DHRS12: variants seen among roughly 807,000 people sequenced by gnomAD.
DHRS12 encodes the protein dehydrogenase/reductase SDR family member 12.
A neutral mutation model predicts 32.1 loss-of-function variants in DHRS12; 29 were observed. The ratio of observed to expected loss-of-function variants is 0.90; its 90% CI spans 0.67 to 1.23. The LOEUF is 1.23. DHRS12 is among the 50% of genes most tolerant of loss of function. The pLI is 0.00. For synonymous variants in DHRS12, 150 were observed against 135.9 expected (o/e 1.10, Z -0.72); for missense variants, 330 against 337.2 (o/e 0.98, Z 0.17).
At chr13:51,802,402 C>T (rs1470863427) in intron 1 of DHRS12, among the ~76,000 whole-genome samples, 1 of 152,204 alleles carries the variant, frequency 6.6e-6, no homozygotes, top group Non-Finnish European at 1.5e-5. Flanking sequence ...GTGATTTTGA[C>T]TCAAGCTGAG....
chr13:51,791,329 AG>A, intron 2 of DHRS12, 72 bp from the exon 3 acceptor site: 1 of 931,632 alleles, frequency 1.1e-6, no homozygotes, highest in Non-Finnish European at 1.6e-6. Flanking sequence ...ATTTTAAAAA[AG>A]TATACGGTTT....
At chr13:51,770,190 G>A (rs1008082004) in intron 7 of DHRS12, among the ~76,000 whole-genome samples, 1 of 152,140 alleles carries the variant, frequency 6.6e-6, no homozygotes, top group African/African-American at 2.4e-5. Flanking sequence ...CTTGTTTACT[G>A]TAGAAAAATC....
chr13:51,804,104 G>C lies in DHRS12; in HGVS notation c.-59C>G, dbSNP rs767369589. ...CGAACCACACGACGCTGCGGTACAG[G>C]GACATGCCGGGAGCGCCCCACGCCT... On this transcript the variant is annotated 5_prime_UTR_variant, in exon 1 of 9. Transcript: ENST00000444610. The C allele has an allele frequency of 4.0e-6, 6 of 1,490,048 alleles. No homozygotes were observed. Among genetic ancestry groups the C allele is most frequent in the Middle Eastern group, 1.8e-4 (1 of 5,426 alleles). 92.3% of individuals were successfully genotyped at this position (1,490,048 alleles called of 1,614,324 possible).
At chr13:51,774,229 GTATTCTCCTACA>G in intron 5 of DHRS12, 195 bp from the exon 6 acceptor site, 2 of 515,078 alleles carry the variant, frequency 3.9e-6, no homozygotes, top group Non-Finnish European at 6.8e-6. Flanking sequence ...TACAGTACAT[GTATTCTCCTACA>G]GTATTCTCCT....
In DHRS12 at chr13:51,773,970, C is replaced by A. The variant is rs142259693; in HGVS notation, c.428G>T (p.Arg143Ile). Residue 143 changes from arginine to isoleucine, a missense_variant, in exon 6 of 9, where the codon AGA (arginine) becomes ATA (isoleucine). Transcript: ENST00000444610. ...GACCATAGTTCCATCAAATGGTGTTCTTTCGGACTGGAGATCATTGGTGTT... is the reference window on the plus strand; with the variant it reads ...GACCATAGTTCCATCAAATGGTGTTATTTCGGACTGGAGATCATTGGTGTT... The part of the protein sequence containing the change: ...KLNTNDLQSE[R>I]TPFDGTMVYA... 14 of 1,614,002 alleles carry A rather than the reference C, an allele frequency of 8.7e-6. No individual in the cohort carries two copies. The highest frequency in any genetic ancestry group is 1.2e-5 in the Non-Finnish European group (14 of 1,179,984).
At position 51,791,170 on chromosome 13, in the gene DHRS12, C is replaced by A. The variant is rs1270861573; in HGVS notation, c.214G>T (p.Val72Phe). The change falls in exon 3 of 9, where the codon GTT becomes TTT. Residue 72 changes from valine (V) to phenylalanine (F), a missense_variant. Coordinates refer to ENST00000444610, the MANE Select transcript of DHRS12 (RefSeq NM_001377533.1). ...CTTATGTTTACAAAGCTCACCAGAA[C>A]ATGGAGTTTATGTTCCTGCTTGAAA... ...ENFKQEHKLH[V>F]LINNAGCMVN... The A allele has an allele frequency of 6.3e-7, 1 of 1,576,380 alleles. No individual in the cohort carries two copies. Among genetic ancestry groups the A allele is most frequent in the African/African-American group, 1.4e-5 (1 of 73,508 alleles).
chr13:51,768,576 C>A, intron 8 of DHRS12: 1 of 1,279,128 alleles, frequency 7.8e-7, no homozygotes, highest in Non-Finnish European at 9.9e-7. Flanking sequence ...CCGGATACCC[C>A]AGGGGTCACC....
At chr13:51,763,305 G>T (rs1298953360), downstream of DHRS12, 2 of 152,098 alleles carry the variant, frequency 1.3e-5, no homozygotes, top group African/African-American at 4.8e-5. Flanking sequence ...TTTGGCTCCG[G>T]CCCTGTGGTG....
the DHRS12 span, among the ~76,000 whole-genome samples, chr13:51,757,962 G>A: frequency 3.3e-5 from 5 of 151,868 alleles, no homozygotes; most frequent in Non-Finnish European, 7.4e-5. Flanking sequence ...TTCTCCAGAA[G>A]GACTTTTAGA....
chr13:51,778,749 T>A (rs1172145192), intron 4 of DHRS12, among the ~76,000 whole-genome samples: 1 of 152,018 alleles, frequency 6.6e-6, no homozygotes, highest in Non-Finnish European at 1.5e-5. Flanking sequence ...TCATTCCCAG[T>A]CACCTGCAGG....
the DHRS12 span, chr13:51,756,410 G>A: frequency 6.2e-6 from 10 of 1,614,018 alleles, no homozygotes; most frequent in African/African-American, 5.3e-5. Flanking sequence ...GATGGGCTTC[G>A]AGTTTGAAGT....
At chr13:51,759,043 G>A in the DHRS12 span, among the ~76,000 whole-genome samples, 5 of 152,244 alleles carry the variant, frequency 3.3e-5, no homozygotes, top group East Asian at 7.7e-4. Context: ...TTAGCCAGAC[G>A]TGGTGGTTCC....
At chr13:51,767,585 G>A (rs1205648597), downstream of DHRS12, 2 of 150,144 alleles carry the variant, frequency 1.3e-5, no homozygotes, top group Admixed American at 6.5e-5. Flanking sequence ...TCACTAAGAG[G>A]TAAAATGGTG....
At chr13:51,764,622 C>G (rs748402862), downstream of DHRS12, 1 of 152,244 alleles carries the variant, frequency 6.6e-6, no homozygotes, top group East Asian at 1.9e-4. Flanking sequence ...CAGCTCACCA[C>G]GAGGGGTTTC....
chr13:51,772,081 T>C (rs929830390), intron 6 of DHRS12, among the ~76,000 whole-genome samples, 170 bp from the exon 7 acceptor site: 1 of 151,956 alleles, frequency 6.6e-6, no homozygotes. Context: ...CAGCCCTGAG[T>C]AGGACCTAGC....
intron 2 of DHRS12, among the ~76,000 whole-genome samples, chr13:51,796,160 C>T (rs1411261108): frequency 6.6e-6 from 1 of 152,218 alleles, no homozygotes; most frequent in Non-Finnish European, 1.5e-5. Context: ...AACCAGGACT[C>T]GTATCAGAGC....
At chr13:51,762,414 C>T in the DHRS12 span, 1 of 152,222 alleles carries the variant, frequency 6.6e-6, no homozygotes, top group South Asian at 2.1e-4. Context: ...TGTTGAGAAT[C>T]ATCATCAGAA....
chr13:51,792,192 CT>C (rs1259874210), intron 2 of DHRS12, among the ~76,000 whole-genome samples: 1 of 152,218 alleles, frequency 6.6e-6, no homozygotes, highest in Non-Finnish European at 1.5e-5. Context: ...TCCATAGAGG[CT>C]GCACCATTTT....
chr13:51,767,854 T>G, downstream of DHRS12: 1 of 292,764 alleles, frequency 3.4e-6, no homozygotes, highest in South Asian at 5.9e-5. Context: ...GAAGTGGAGT[T>G]CACAGGGGGG....
Sources: gnomAD v4.1 joint callset for allele counts (sites outside exome capture counted in the v4.1 genomes callset) on GRCh38, gnomAD v4.1.1 for gene constraint, MANE v1.5 for transcripts, NCBI Gene and HGNC (gene_info 2026-07-23, HGNC 2026-07-21) for gene names.